Variants in HMCN2 observed in about 807,000 individuals in gnomAD.
HMCN2 encodes the protein hemicentin-2.
In HMCN2, 325 loss-of-function variants were observed where a neutral mutation model predicts 377.5. That is an observed-to-expected ratio of 0.86 (90% CI 0.79 to 0.94). The LOEUF (loss-of-function observed/expected upper bound fraction) is 0.94. HMCN2 is among the 40% of genes least tolerant of loss of function. HMCN2 has a pLI of 0.00. For missense variants in HMCN2, 4,543 were observed against 4,725.3 expected, an observed-to-expected ratio of 0.96 and a Z score of 1.13; for synonymous variants, 2,007 against 2,046.8, an observed-to-expected ratio of 0.98 and a Z score of 0.53.
At chr9:130,363,238 C>T (rs982076060) in intron 40 of HMCN2, among the ~76,000 whole-genome samples, 18 of 152,122 alleles carry the variant, frequency 1.2e-4, no homozygotes, top group African/African-American at 3.4e-4. Flanking sequence ...TTCAGGGAGA[C>T]GCGGAAGGGG....
Position 130,369,175 on chromosome 9 carries a change from G to A in HMCN2, c.6788-395G>A, listed in dbSNP as rs968587467. Among the ~76,000 whole-genome samples, 2 of 152,166 alleles carry A rather than the reference G, an allele frequency of 1.3e-5. No homozygotes were observed. Among genetic ancestry groups the A allele is most frequent in the African/African-American group, 4.8e-5 (2 of 41,424 alleles). On this transcript the variant is annotated intron_variant, in intron 44 of 97. Coordinates refer to ENST00000683500, the MANE Select transcript of HMCN2 (RefSeq NM_001291815.2). The surrounding 1 kb of genome is among the most constrained non-coding windows in gnomAD (Gnocchi z 4.5). Reference sequence around the variant, plus strand: ...TGCAGTGATGAAATGAAATCCCCCAGCCTGGTAAAAATCCTGCTAGAAAAT... The same window carrying A: ...TGCAGTGATGAAATGAAATCCCCCAACCTGGTAAAAATCCTGCTAGAAAAT...
In HMCN2 at chr9:130,430,524, G is replaced by A. The variant is rs11244308; in HGVS notation, c.14567G>A (p.Arg4856His). 214,658 of 1,550,486 alleles carry A rather than the reference G, an allele frequency of 0.14. 16,103 individuals are homozygous for A. The highest frequency in any genetic ancestry group is 0.16 in the Non-Finnish European group (178,381 of 1,146,932). The change falls in exon 95 of 98, where the codon CGT becomes CAT. Residue 4856 changes from arginine (R) to histidine (H), a missense_variant. Coordinates refer to ENST00000683500, the MANE Select transcript of HMCN2 (RefSeq NM_001291815.2). ...GTSYHAWVSL[R>H]PGPMALSSVG... The stretch of plus-strand genomic sequence containing the variant: ...TCCTACCACGCCTGGGTCTCTCTCC[G>A]TCCGGGTCCCATGGCCCTGAGCAGT...
At chr9:130,399,059 A>C (rs1160912456) in intron 75 of HMCN2, among the ~76,000 whole-genome samples, 2 of 151,906 alleles carry the variant, frequency 1.3e-5, no homozygotes, top group Non-Finnish European at 2.9e-5. Context: ...TCAAGACCAG[A>C]CTGGGCAACA....
At chr9:130,365,221 A>G (rs1840629208) in intron 41 of HMCN2, among the ~76,000 whole-genome samples, 1 of 152,120 alleles carries the variant, frequency 6.6e-6, no homozygotes, top group South Asian at 2.1e-4. Context: ...CAGCAACCCC[A>G]TGTCAGGATC....
rs570141160 is a variant in HMCN2, at chr9:130,391,502, G to A, written c.9880G>A (p.Ala3294Thr). 23 of 987,862 alleles carry A rather than the reference G, an allele frequency of 2.3e-5. No individual in the cohort carries two copies. Among genetic ancestry groups the A allele is most frequent in the African/African-American group, 5.2e-5 (3 of 57,424 alleles). The allele number at this position is 987,862 out of a possible 1,614,324, so 61.2% of individuals were successfully genotyped here. ...GCTAAAAGGCCTGAGGGCCTCGGACGCGGGTGCCTACACCTGCGTGGCCCA... is the reference window on the plus strand; with the variant it reads ...GCTAAAAGGCCTGAGGGCCTCGGACACGGGTGCCTACACCTGCGTGGCCCA... ...LVLKGLRASD[A>T]GAYTCVAHNP... The change falls in exon 65 of 98, where the codon GCG becomes ACG. Residue 3294 changes from alanine to threonine, a missense_variant. Around this residue, in one of 5 missense-constraint regions of HMCN2, gnomAD observed 1,073 missense variants for 1,319.5 expected, o/e 0.81. Transcript: ENST00000683500.
intron 22 of HMCN2, among the ~76,000 whole-genome samples, chr9:130,336,289 G>T (rs1318632210): frequency 6.6e-6 from 1 of 152,190 alleles, no homozygotes; most frequent in Non-Finnish European, 1.5e-5. Flanking sequence ...TACTCATGAT[G>T]CTATTTATAT....
Position 130,351,450 on chromosome 9 carries a change from G to A in HMCN2, c.4458G>A (p.Leu1486=), listed in dbSNP as rs1455540421. The A allele has an allele frequency of 6.1e-6, 8 of 1,304,070 alleles. No homozygotes were observed. In the East Asian group the frequency reaches 3.9e-4, roughly 63 times the overall value. The allele number at this position is 1,304,070 out of a possible 1,614,324, so 80.8% of individuals were successfully genotyped here. A position where few individuals can be genotyped will look rare whatever the true frequency, so the allele number is the denominator to read the frequency against. Residue 1486 remains leucine, a synonymous_variant, in exon 30 of 98, where the codon CTG becomes CTA. Coordinates refer to ENST00000683500, the MANE Select transcript of HMCN2 (RefSeq NM_001291815.2). The surrounding 1 kb of genome is among the most constrained non-coding windows in gnomAD (Gnocchi z 5.4). ...CTGTCCTTCCGGGAGGCCCTCACCT[G>A]CAGGTCCAGGAGGATGGCCAGGTTC... ...RQPVLPGGPH[L]QVQEDGQVLR... is the part of the protein sequence containing the mutation.
intron 44 of HMCN2, among the ~76,000 whole-genome samples, chr9:130,368,976 AGCT>A (rs1259480898): frequency 1.3e-5 from 2 of 152,134 alleles, no homozygotes; most frequent in Non-Finnish European, 2.9e-5. Context: ...CCTCCCACAC[AGCT>A]TCTCACTAAC....
intron 31 of HMCN2, among the ~76,000 whole-genome samples, chr9:130,353,420 G>A (rs1839840107): frequency 6.6e-6 from 1 of 152,216 alleles, no homozygotes; most frequent in African/African-American, 2.4e-5. Flanking sequence ...GAGTGGAAGG[G>A]CCTGTCTAGG....
At chr9:130,385,176 G>T (rs1841956109) in intron 59 of HMCN2, among the ~76,000 whole-genome samples, 3 of 151,870 alleles carry the variant, frequency 2.0e-5, no homozygotes, top group Admixed American at 2.0e-4. Flanking sequence ...CACTGCGCTA[G>T]GCCTGTGGGC....
chr9:130,418,300 C>T (rs1234824150), intron 85 of HMCN2, among the ~76,000 whole-genome samples: 1 of 152,180 alleles, frequency 6.6e-6, no homozygotes, highest in African/African-American at 2.4e-5. Context: ...GTGGCTCATG[C>T]CTGTAACCCC....
chr9:130,375,604 G>A lies in HMCN2; in HGVS notation c.7672G>A (p.Glu2558Lys). The A allele has an allele frequency of 1.0e-6, 1 of 985,852 alleles. No homozygotes were observed. The highest frequency in any genetic ancestry group is 1.2e-6 in the Non-Finnish European group (1 of 829,938). The allele number at this position is 985,852 out of a possible 1,614,324, so 61.1% of individuals were successfully genotyped here. Residue 2558 changes from glutamate to lysine, a missense_variant, in exon 50 of 98, where the codon GAG becomes AAG. By Grantham distance (56) the Glu-to-Lys change is moderately conservative. This residue lies in a region of HMCN2 where 736 missense variants were observed against 773.2 expected (regional missense o/e 0.95). Transcript: ENST00000683500. ...ILGGAEDSADEEVTVTVNNPI... is the reference protein window; with the variant it reads ...ILGGAEDSADKEVTVTVNNPI... ...GGGAGGGGCCGAGGACAGTGCAGATGAGGAGGTGACCGTGACTGTCAACAA... is the reference window on the plus strand; with the variant it reads ...GGGAGGGGCCGAGGACAGTGCAGATAAGGAGGTGACCGTGACTGTCAACAA...
intron 75 of HMCN2, 71 bp from the exon 76 acceptor site, chr9:130,399,440 C>T: frequency 8.4e-7 from 1 of 1,193,796 alleles, no homozygotes; most frequent in Non-Finnish European, 1.1e-6. Flanking sequence ...CGTGAGACCC[C>T]CACAGCCAGA....
rs1006174469 is a variant in HMCN2 at position 130,408,769 on chromosome 9, T to G, written c.12715T>G (p.Phe4239Val). Residue 4239 changes from phenylalanine (F) to valine (V), a missense_variant, in exon 84 of 98, where the codon TTC (phenylalanine) becomes GTC (valine). Physicochemically the swap from Phe to Val is conservative, Grantham distance 50. This residue lies in a region of HMCN2 where 1,073 missense variants were observed against 1,319.5 expected (regional missense o/e 0.81). Transcript: ENST00000683500. ...GGCTCCTGTCCTACAAGGGGAGGCTTTCTCCTACCTGGTGGAACCTGTAGG... is the reference window on the plus strand; with the variant it reads ...GGCTCCTGTCCTACAAGGGGAGGCTGTCTCCTACCTGGTGGAACCTGTAGG... ...KEAPVLQGEA[F>V]SYLVEPVGGS... is the part of the protein sequence containing the mutation. 3.1e-6 allele frequency: 4 copies of G among 1,289,224 alleles called. No individual in the cohort carries two copies. The highest frequency in any genetic ancestry group is 3.0e-6 in the Non-Finnish European group (3 of 988,570). The allele number at this position is 1,289,224 out of a possible 1,614,324, so 79.9% of individuals were successfully genotyped here. A position where few individuals can be genotyped will look rare whatever the true frequency, so the allele number is the denominator to read the frequency against.
chr9:130,270,917 A>T (rs1164433605), intron 1 of HMCN2, among the ~76,000 whole-genome samples: 1 of 148,482 alleles, frequency 6.7e-6, no homozygotes, highest in African/African-American at 2.4e-5. Flanking sequence ...CTGCTCCAGG[A>T]TCCCATCCAG....
Position 130,407,570 on chromosome 9 carries a change from G to A in HMCN2, c.12554-1G>A, listed in dbSNP as rs1336254152. Reference sequence around the variant, plus strand: ...ACCCGACTTCTCTTTCTCCACCACAGAAGGGGTGTCTGAGCAGGATGGAGG... The same window carrying A: ...ACCCGACTTCTCTTTCTCCACCACAAAAGGGGTGTCTGAGCAGGATGGAGG... On this transcript the variant is annotated splice_acceptor_variant, in intron 82 of 97. Transcript: ENST00000683500. LOFTEE classifies it high-confidence loss of function. The A allele has an allele frequency of 2.3e-6, 3 of 1,289,542 alleles. No individual in the cohort carries two copies. The highest frequency in any genetic ancestry group is 3.0e-6 in the Non-Finnish European group (3 of 988,722). The allele number at this position is 1,289,542 out of a possible 1,614,324, so 79.9% of individuals were successfully genotyped here. A position where few individuals can be genotyped will look rare whatever the true frequency, so the allele number is the denominator to read the frequency against.
intron 14 of HMCN2, among the ~76,000 whole-genome samples, chr9:130,309,359 T>C (rs1280858077): frequency 6.6e-6 from 1 of 150,870 alleles, no homozygotes; most frequent in Non-Finnish European, 1.5e-5. Flanking sequence ...ACCAAAAATA[T>C]AAAAAATTAG....
intron 53 of HMCN2, among the ~76,000 whole-genome samples, chr9:130,378,472 A>G: frequency 1.8e-5 from 1 of 56,978 alleles, no homozygotes; most frequent in Non-Finnish European, 3.5e-5. Flanking sequence ...GCTGGGAGGC[A>G]GGGAGCTGGG....
intron 4 of HMCN2, among the ~76,000 whole-genome samples, chr9:130,293,967 T>C (rs1449176029): frequency 6.6e-6 from 1 of 150,882 alleles, no homozygotes; most frequent in Non-Finnish European, 1.5e-5. Context: ...GAACACGGCA[T>C]GTATGGGTGG....
Sources: gnomAD v4.1 joint callset for allele counts (sites outside exome capture counted in the v4.1 genomes callset) on GRCh38, gnomAD v4.1.1 for gene constraint, gnomAD v4.1.1 regional missense constraint, Gnocchi (gnomAD v3.1) non-coding constraint, MANE v1.5 for transcripts, NCBI Gene and HGNC (gene_info 2026-07-23, HGNC 2026-07-21) for gene names.